The following PCARE variants were observed in gnomAD, a reference collection of about 807,000 sequenced individuals.
PCARE encodes the protein photoreceptor cilium actin regulator, also known as uncharacterized protein C2orf71.
A neutral mutation model predicts 82.2 loss-of-function variants in PCARE; 72 were observed. The ratio of observed to expected loss-of-function variants is 0.88; its 90% CI spans 0.72 to 1.07. The LOEUF (loss-of-function observed/expected upper bound fraction) is 1.07, where lower values mean the gene tolerates loss of function less well. Ranked by LOEUF, PCARE falls within the 50% of genes least tolerant of loss-of-function variation. The pLI, the probability that PCARE is intolerant of heterozygous loss-of-function variation, is 0.00. For missense variants in PCARE, 1,768 were observed against 1,592.4 expected, an observed-to-expected ratio of 1.11 and a Z score of -1.88; for synonymous variants, 705 against 634.8, an observed-to-expected ratio of 1.11 and a Z score of -1.66.
chr2:29,070,636 T>G lies in PCARE; in HGVS notation c.3626A>C (p.Asp1209Ala). The G allele has an allele frequency of 1.2e-6, 2 of 1,613,952 alleles. No individual in the cohort carries two copies. The highest frequency in any genetic ancestry group is 4.5e-5 in the East Asian group (2 of 44,860). The stretch of plus-strand genomic sequence containing the variant: ...GGATTCATAAGAGGTGCTGGTGGGG[T>G]CCAAGGTGGGAGGCTGCGGTCGGCC... ...PGGRPQPPTL[D>A]PTSTSYESQL... is the part of the protein sequence containing the mutation. Residue 1209 changes from aspartate to alanine, a missense_variant, in exon 1 of 2, where the codon GAC becomes GCC. Physicochemically the swap from Asp to Ala is moderately radical, Grantham distance 126. Coordinates refer to ENST00000331664, the MANE Select transcript of PCARE (RefSeq NM_001029883.3).
At chr2:29,069,672 A>G (rs1215109923) in intron 1 of PCARE, among the ~76,000 whole-genome samples, 1 of 152,220 alleles carries the variant, frequency 6.6e-6, no homozygotes, top group Non-Finnish European at 1.5e-5. Context: ...ACATGTACCC[A>G]TGAACCTAAA....
Position 29,072,327 on chromosome 2 carries a change from T to A in PCARE, c.1935A>T (p.Arg645Ser). The change falls in exon 1 of 2, where the codon AGA (arginine) becomes AGT (serine). Residue 645 changes from arginine (R) to serine (S), a missense_variant. Arg to Ser is a moderately radical substitution (Grantham distance 110). Transcript: ENST00000331664. ...TGCCATTGGGCCACACGGCGGCTGC[T>A]CTGGGCTGCAGAATTTGCTCCTGGC... ...GQSQEQILQPRAAAVWPNGTC... is the reference protein window; with the variant it reads ...GQSQEQILQPSAAAVWPNGTC... The A allele has an allele frequency of 6.2e-7, 1 of 1,614,162 alleles. No homozygotes were observed.
rs1553354488 is a variant in PCARE at position 29,071,341 on chromosome 2, T to TG, written c.2920_2921insC (p.Glu974AlafsTer133). ...CTGCCTTGGTCTGGCCAGGCTGGAC[T>TG]CTGAGGTCCTGTTTTGTCCAGATGG... On this transcript the variant is annotated frameshift_variant, in exon 1 of 2. Transcript: ENST00000331664. LOFTEE classifies it high-confidence loss of function. 1.2e-6 allele frequency: 2 copies of TG among 1,613,690 alleles called. No individual in the cohort carries two copies. Among genetic ancestry groups the TG allele is most frequent in the Non-Finnish European group, 1.7e-6 (2 of 1,179,918 alleles).
Position 29,074,517 on chromosome 2 carries a change from C to T in PCARE, c.-256G>A, listed in dbSNP as rs935342573. 6.6e-6 allele frequency among the ~76,000 whole-genome samples: 1 copy of T among 152,156 alleles called. No individual in the cohort carries two copies. The highest frequency in any genetic ancestry group is 2.4e-5 in the African/African-American group (1 of 41,428). On this transcript the variant is annotated 5_prime_UTR_variant, in exon 1 of 2. Coordinates refer to ENST00000331664, the MANE Select transcript of PCARE (RefSeq NM_001029883.3). ...CCTCTGCTGTTAGTGAGCAGCGGGACAATTCTGAAGGCTCCCAGCCTGGTG... is the reference window on the plus strand; with the variant it reads ...CCTCTGCTGTTAGTGAGCAGCGGGATAATTCTGAAGGCTCCCAGCCTGGTG...
chr2:29,071,555 G>A lies in PCARE; in HGVS notation c.2707C>T (p.Pro903Ser), dbSNP rs771188017. The A allele has an allele frequency of 1.2e-6, 2 of 1,610,442 alleles. No homozygotes were observed. The highest frequency in any genetic ancestry group is 1.7e-6 in the Non-Finnish European group (2 of 1,180,006). ...PSKSTASLTK[P>S]HSTGPGSGRS... ...CCACTCCCTGGCCCTGTGCTGTGAG[G>A]CTTGGTCAGGCTGGCGGTGCTCTTG... Residue 903 changes from proline (P) to serine (S), a missense_variant, in exon 1 of 2, where the codon CCT (proline) becomes TCT (serine). Pro to Ser is a moderately conservative substitution (Grantham distance 74). Transcript: ENST00000331664.
chr2:29,074,053 G>A lies in PCARE; in HGVS notation c.209C>T (p.Thr70Ile), dbSNP rs376475633. ...EQPSPRRNQTTAKGLCQLMGD... is the reference protein window; with the variant it reads ...EQPSPRRNQTIAKGLCQLMGD... ...CATGAGCTGACAAAGACCTTTAGCT[G>A]TGGTTTGGTTCCTCCTGGGACTTGG... is the stretch of plus-strand genomic sequence containing the variant. The change falls in exon 1 of 2, where the codon ACA (threonine) becomes ATA (isoleucine). Residue 70 changes from threonine to isoleucine, a missense_variant. Coordinates refer to ENST00000331664, the MANE Select transcript of PCARE (RefSeq NM_001029883.3). 5.0e-6 allele frequency: 8 copies of A among 1,614,096 alleles called. No homozygotes were observed. In the Admixed American group the frequency reaches 6.7e-5, roughly 13 times the overall value.
rs1276132107 is a variant in PCARE, at chr2:29,062,268, GGCTTT to G, written c.*2596_*2600del. 1 of 152,276 alleles carries G rather than the reference GGCTTT, an allele frequency of 6.6e-6. No individual in the cohort carries two copies. Among genetic ancestry groups the G allele is most frequent in the African/African-American group, 2.4e-5 (1 of 41,440 alleles). The allele number at this position is 152,276 out of a possible 1,614,324, so 9.4% of individuals were successfully genotyped here. On this transcript the variant is annotated 3_prime_UTR_variant, in exon 2 of 2. Coordinates refer to ENST00000331664, the MANE Select transcript of PCARE (RefSeq NM_001029883.3). ...CTGCCTGGGTCTGGTGGCAGCTGGG[GGCTTT>G]TATGACATCGTGTGTGGGGACCTAT...
At position 29,065,004 on chromosome 2, in the gene PCARE, C is replaced by T; in HGVS notation, c.3732G>A (p.Leu1244=). The change falls in exon 2 of 2, where the codon CTG becomes CTA. Residue 1244 remains leucine, a synonymous_variant. Transcript: ENST00000331664. The part of the protein sequence containing the change: ...EPGSSPCSPE[L]QGGTRRASPP... ...GAGATGCACGCCTGGTGCCGCCCTG[C>T]AGTTCAGGGGAACAGGGGCTGCTCC... The T allele has an allele frequency of 6.4e-7, 1 of 1,568,788 alleles. No individual in the cohort carries two copies. Among genetic ancestry groups the T allele is most frequent in the Non-Finnish European group, 8.6e-7 (1 of 1,156,600 alleles).
Position 29,073,310 on chromosome 2 carries a change from C to T in PCARE, c.952G>A (p.Asp318Asn). The part of the protein sequence containing the change: ...ENKLSTKRNV[D>N]ERLLRALRQL... ...CTCAGAGCCCTCAGGAGGCGTTCAT[C>T]CACATTCCTTTTTGTGCTCAGCTTA... Residue 318 changes from aspartate (D) to asparagine (N), a missense_variant, in exon 1 of 2, where the codon GAT (aspartate) becomes AAT (asparagine). By Grantham distance (23) the Asp-to-Asn change is conservative. Transcript: ENST00000331664. The T allele has an allele frequency of 1.2e-6, 2 of 1,614,158 alleles. No homozygotes were observed. The highest frequency in any genetic ancestry group is 1.7e-6 in the Non-Finnish European group (2 of 1,180,028).
chr2:29,066,920 G>A (rs1298997279), intron 1 of PCARE, among the ~76,000 whole-genome samples: 2 of 152,236 alleles, frequency 1.3e-5, no homozygotes, highest in African/African-American at 2.4e-5. Flanking sequence ...GAGACCTAGA[G>A]GCTGGTAGCT....
At chr2:29,065,328 G>A (rs1423061272) in intron 1 of PCARE, among the ~76,000 whole-genome samples, 3 of 152,214 alleles carry the variant, frequency 2.0e-5, no homozygotes, top group Non-Finnish European at 4.4e-5. Flanking sequence ...CCTGGATCCT[G>A]CTGCTCTGAA....
At chr2:29,067,514 C>A (rs138983040) in intron 1 of PCARE, among the ~76,000 whole-genome samples, 1 of 152,010 alleles carries the variant, frequency 6.6e-6, no homozygotes, top group African/African-American at 2.4e-5. Context: ...CCTTGGGAAG[C>A]GTCCTGTTTA....
In PCARE at chr2:29,064,531, A is replaced by C; in HGVS notation, c.*338T>G. 8.7e-6 allele frequency: 4 copies of C among 460,520 alleles called. No individual in the cohort carries two copies. Among genetic ancestry groups the C allele is most frequent in the Non-Finnish European group, 1.2e-5 (3 of 250,586 alleles). 28.5% of individuals were successfully genotyped at this position (460,520 alleles called of 1,614,324 possible). ...TGTGAGGCTTAAGTGATCTCAAGGA[A>C]TGAACCCAGTTAAAACCCTATCAAG... On this transcript the variant is annotated 3_prime_UTR_variant, in exon 2 of 2. Coordinates refer to ENST00000331664, the MANE Select transcript of PCARE (RefSeq NM_001029883.3).
In PCARE at chr2:29,062,983, T is replaced by C. The variant is rs533976684; in HGVS notation, c.*1886A>G. 6 of 152,372 alleles carry C rather than the reference T, an allele frequency of 3.9e-5. No individual in the cohort carries two copies. Among genetic ancestry groups the C allele is most frequent in the Admixed American group, 3.9e-4 (6 of 15,306 alleles). The allele number at this position is 152,372 out of a possible 1,614,324, so 9.4% of individuals were successfully genotyped here. A position where few individuals can be genotyped will look rare whatever the true frequency, so the allele number is the denominator to read the frequency against. ...GCAGTCCCACCTGAAGCCACTTACTTGTGAGCTAGACCTCAAAGGCCGCTC... is the reference window on the plus strand; with the variant it reads ...GCAGTCCCACCTGAAGCCACTTACTCGTGAGCTAGACCTCAAAGGCCGCTC... On this transcript the variant is annotated 3_prime_UTR_variant, in exon 2 of 2. Coordinates refer to ENST00000331664, the MANE Select transcript of PCARE (RefSeq NM_001029883.3).
rs748685996 is a variant in PCARE, at chr2:29,073,137, T to C, written c.1125A>G (p.Pro375=). 1.9e-6 allele frequency: 3 copies of C among 1,614,174 alleles called. No individual in the cohort carries two copies. In the Middle Eastern group the frequency reaches 4.9e-4, roughly 266 times the overall value. The change falls in exon 1 of 2, where the codon CCA becomes CCG. Residue 375 remains proline, a synonymous_variant. Coordinates refer to ENST00000331664, the MANE Select transcript of PCARE (RefSeq NM_001029883.3). ...LGKQTSWDLA[P]EPEEWKSVTS... The stretch of plus-strand genomic sequence containing the variant: ...TCACCGACTTCCATTCTTCGGGCTC[T>C]GGTGCAAGGTCCCAGCTGGTTTGCT...
rs1199920551 is a variant in PCARE, at chr2:29,071,880, C to T, written c.2382G>A (p.Met794Ile). Residue 794 changes from methionine (M) to isoleucine (I), a missense_variant, in exon 1 of 2, where the codon ATG (methionine) becomes ATA (isoleucine). Transcript: ENST00000331664. Reference sequence around the variant, plus strand: ...GTGCTAAGGGCTTCCAGCCTATGCCCATTTTGAGAGATTCTCTGCCTGATG... The same window carrying T: ...GTGCTAAGGGCTTCCAGCCTATGCCTATTTTGAGAGATTCTCTGCCTGATG... ...SPASGRESLK[M>I]GIGWKPLAPI... 3 of 1,614,178 alleles carry T rather than the reference C, an allele frequency of 1.9e-6. No homozygotes were observed. The highest frequency in any genetic ancestry group is 2.5e-6 in the Non-Finnish European group (3 of 1,180,034).
chr2:29,072,876 C>A lies in PCARE; in HGVS notation c.1386G>T (p.Gly462=). 2 of 1,614,156 alleles carry A rather than the reference C, an allele frequency of 1.2e-6. No homozygotes were observed. Among genetic ancestry groups the A allele is most frequent in the East Asian group, 4.5e-5 (2 of 44,876 alleles). Residue 462 remains glycine (G), a synonymous_variant, in exon 1 of 2, where the codon GGG becomes GGT. Transcript: ENST00000331664. ...TGGAAAGGTGTGGTTCCACAGAGACCCCAATCCCAAAGGAATCACATGGGG... is the reference window on the plus strand; with the variant it reads ...TGGAAAGGTGTGGTTCCACAGAGACACCAATCCCAAAGGAATCACATGGGG... ...TSTPCDSFGI[G]VSVEPHLSKT... is the part of the protein sequence containing the mutation.
chr2:29,070,500 A>C, intron 1 of PCARE, 94 bp downstream of exon 1: 1 of 1,554,318 alleles, frequency 6.4e-7, no homozygotes, highest in Non-Finnish European at 8.9e-7. Context: ...CACAGTTTGA[A>C]AACTACTGAG....
chr2:29,071,511 G>A lies in PCARE; in HGVS notation c.2751C>T (p.Pro917=). Residue 917 remains proline, a synonymous_variant, in exon 1 of 2, where the codon CCC becomes CCT. Coordinates refer to ENST00000331664, the MANE Select transcript of PCARE (RefSeq NM_001029883.3). ...TGCTCAGGTCCAGGGCTGGCTTCCTGGGCTGGCAGCTGCTCCTGCCACTCC... is the reference window on the plus strand; with the variant it reads ...TGCTCAGGTCCAGGGCTGGCTTCCTAGGCTGGCAGCTGCTCCTGCCACTCC... The part of the protein sequence containing the change: ...GPGSGRSSCQ[P]RKPALDLSSP... The A allele has an allele frequency of 6.2e-7, 1 of 1,609,074 alleles. No individual in the cohort carries two copies. The highest frequency in any genetic ancestry group is 1.1e-5 in the South Asian group (1 of 91,070).
Sources: allele counts gnomAD v4.1 joint callset (sites outside exome capture counted in the v4.1 genomes callset), GRCh38; gene constraint gnomAD v4.1.1; transcripts MANE v1.5; gene names NCBI Gene and HGNC (gene_info 2026-07-23, HGNC 2026-07-21).